ROBO2: variants seen among roughly 807,000 people sequenced by gnomAD.
ROBO2 encodes the protein roundabout homolog 2.
Under a neutral mutation model 160.8 loss-of-function variants are expected in ROBO2, and 53 were observed. That is an observed-to-expected ratio of 0.33 (90% CI 0.26 to 0.41). The LOEUF is 0.41. Among genes scored for constraint, ROBO2 ranks in the 10% least tolerant of loss-of-function variants. ROBO2 has a pLI of 1.00. For synonymous variants in ROBO2, 664 were observed against 611.7 expected, an observed-to-expected ratio of 1.09 and a Z score of -1.26; for missense variants, 1,577 against 1,722.4, an observed-to-expected ratio of 0.92 and a Z score of 1.49.
chr3:77,061,020 C>G (rs1309014384), intron 1 of ROBO2, among the ~76,000 whole-genome samples: 2 of 151,988 alleles, frequency 1.3e-5, no homozygotes, highest in Non-Finnish European at 2.9e-5. Context: ...AATGCTGCCT[C>G]GAACTCCTGG....
intron 2 of ROBO2, among the ~76,000 whole-genome samples, chr3:76,660,211 A>T (rs747842263): frequency 1.2e-4 from 19 of 152,194 alleles, no homozygotes; most frequent in Admixed American, 5.9e-4. Flanking sequence ...GTTTTCTAGC[A>T]GTGTATTTTC....
chr3:77,589,841 A>C (rs886086306), intron 17 of ROBO2, among the ~76,000 whole-genome samples: 1 of 152,034 alleles, frequency 6.6e-6, no homozygotes, highest in Admixed American at 6.6e-5. Flanking sequence ...TTCTAGAATT[A>C]ATAAGGGAGC....
At chr3:76,112,493 A>C (rs1425874826) in intron 2 of ROBO2, among the ~76,000 whole-genome samples, 1 of 151,964 alleles carries the variant, frequency 6.6e-6, no homozygotes, top group Non-Finnish European at 1.5e-5. Context: ...GTTTATTTTT[A>C]ATTTGGTGAG....
intron 2 of ROBO2, among the ~76,000 whole-genome samples, chr3:76,514,381 T>C (rs2081251063): frequency 6.6e-6 from 1 of 152,184 alleles, no homozygotes; most frequent in Non-Finnish European, 1.5e-5. Flanking sequence ...AACATGAGAA[T>C]AAACTAGTAA....
intron 2 of ROBO2, among the ~76,000 whole-genome samples, chr3:76,252,682 A>G (rs1706087003): frequency 6.6e-6 from 1 of 152,018 alleles, no homozygotes; most frequent in Non-Finnish European, 1.5e-5. Flanking sequence ...GTATATATAC[A>G]CAAATACCTA....
At chr3:76,498,548 T>A (rs2080279864) in intron 2 of ROBO2, among the ~76,000 whole-genome samples, 1 of 151,772 alleles carries the variant, frequency 6.6e-6, no homozygotes, top group African/African-American at 2.4e-5. Context: ...TTCTAAATAT[T>A]CTGTTCTATG....
chr3:77,282,532 A>G (rs1346398599), intron 2 of ROBO2, among the ~76,000 whole-genome samples: 1 of 152,010 alleles, frequency 6.6e-6, no homozygotes, highest in Non-Finnish European at 1.5e-5. Context: ...GTAGGGACAG[A>G]TTTCTCTCTG....
chr3:76,916,382 C>T (rs988266129), intron 2 of ROBO2, among the ~76,000 whole-genome samples: 4 of 151,936 alleles, frequency 2.6e-5, no homozygotes, highest in Admixed American at 2.6e-4. Context: ...TGCTCTGTCA[C>T]CAAGGTTGGG....
intron 2 of ROBO2, among the ~76,000 whole-genome samples, chr3:77,024,939 T>A (rs780116308): frequency 6.6e-6 from 1 of 152,010 alleles, no homozygotes; most frequent in Non-Finnish European, 1.5e-5. Context: ...GACCTTTTTC[T>A]GTTTTGTCTT....
At chr3:76,181,185 A>G (rs1391314068) in intron 2 of ROBO2, among the ~76,000 whole-genome samples, 1 of 152,028 alleles carries the variant, frequency 6.6e-6, no homozygotes, top group African/African-American at 2.4e-5. Context: ...TGTATTTGCC[A>G]TTTGCTTGTT....
chr3:76,167,394 G>A (rs908326218), intron 2 of ROBO2, among the ~76,000 whole-genome samples: 2 of 152,170 alleles, frequency 1.3e-5, no homozygotes, highest in Non-Finnish European at 2.9e-5. Context: ...AAACCCAGAA[G>A]AGGAACCAGC....
At chr3:77,266,616 G>A (rs2059140560) in intron 2 of ROBO2, among the ~76,000 whole-genome samples, 1 of 152,060 alleles carries the variant, frequency 6.6e-6, no homozygotes, top group African/African-American at 2.4e-5. Flanking sequence ...GGAACGTTGG[G>A]TAGTGATGAA....
intron 2 of ROBO2, among the ~76,000 whole-genome samples, chr3:77,207,964 C>T (rs761716109): frequency 9.2e-5 from 14 of 152,342 alleles, no homozygotes; most frequent in South Asian, 2.1e-4. Context: ...GATGGATTCG[C>T]TCCCACTGTG....
At chr3:77,073,981 T>A (rs2067678914) in intron 1 of ROBO2, among the ~76,000 whole-genome samples, 1 of 152,220 alleles carries the variant, frequency 6.6e-6, no homozygotes, top group Admixed American at 6.5e-5. Flanking sequence ...TAAAATGAGC[T>A]ATTTTGATAA....
chr3:76,530,034 C>A (rs2082142147), intron 2 of ROBO2, among the ~76,000 whole-genome samples: 1 of 152,148 alleles, frequency 6.6e-6, no homozygotes, highest in Non-Finnish European at 1.5e-5. Context: ...GGCAGACACT[C>A]TCTCATCTAG....
intron 2 of ROBO2, among the ~76,000 whole-genome samples, chr3:76,313,997 C>T (rs567904141): frequency 9.2e-5 from 14 of 152,154 alleles, no homozygotes; most frequent in South Asian, 4.2e-4. Context: ...AAACGGATGA[C>T]GGGAAACTGA....
chr3:77,564,846 G>A, intron 11 of ROBO2, 108 bp from the exon 13 acceptor site: 1 of 849,816 alleles, frequency 1.2e-6, no homozygotes, highest in Non-Finnish European at 2.0e-6. Context: ...TTGTGTGTGT[G>A]TGTGTGTGTG....
intron 2 of ROBO2, among the ~76,000 whole-genome samples, chr3:76,293,675 C>T (rs917815050): frequency 1.1e-4 from 17 of 152,088 alleles, no homozygotes; most frequent in African/African-American, 3.9e-4. Flanking sequence ...ATGGAGTGGC[C>T]CTGCTGAAAG....
chr3:76,492,339 A>G (rs949266211), intron 2 of ROBO2, among the ~76,000 whole-genome samples: 3 of 152,176 alleles, frequency 2.0e-5, no homozygotes, highest in African/African-American at 7.2e-5. Context: ...GGTATATTAA[A>G]GATACGAGAC....
Sources: gnomAD v4.1 joint callset for allele counts (sites outside exome capture counted in the v4.1 genomes callset) on GRCh38, gnomAD v4.1.1 for gene constraint, MANE v1.5 for transcripts, NCBI Gene and HGNC (gene_info 2026-07-23, HGNC 2026-07-21) for gene names.